NEURL1B: variants seen among roughly 807,000 people sequenced by gnomAD.
The protein encoded by NEURL1B is neuralized E3 ubiquitin protein ligase 1B.
Under a neutral mutation model 37.4 loss-of-function variants are expected in NEURL1B, and 13 were observed. The observed-to-expected ratio is 0.35, with a 90% confidence interval of 0.23 to 0.55. The LOEUF (loss-of-function observed/expected upper bound fraction) is 0.55. Among genes scored for constraint, NEURL1B ranks in the 20% least tolerant of loss-of-function variants. The pLI is 0.89. For missense variants in NEURL1B, 790 were observed against 879.2 expected, an observed-to-expected ratio of 0.90 and a Z score of 1.28; for synonymous variants, 432 against 426.6, an observed-to-expected ratio of 1.01 and a Z score of -0.16.
In NEURL1B at chr5:172,686,405, C is replaced by A; in HGVS notation, c.1423+109C>A. On this transcript the variant is annotated intron_variant, in intron 4 of 4. Transcript: ENST00000369800. This position sits in a 1 kb window ranked among gnomAD's most constrained non-coding sequence, Gnocchi z 7.9. ...GAGCAGGGTGGCCGCCTTTCCCCCG[C>A]ATCCTCTCCTTCCCTCAGCTGTATG... 1 of 1,177,454 alleles carries A rather than the reference C, an allele frequency of 8.5e-7. No homozygotes were observed. The highest frequency in any genetic ancestry group is 1.2e-6 in the Non-Finnish European group (1 of 832,530). The allele number at this position is 1,177,454 out of a possible 1,614,324, so 72.9% of individuals were successfully genotyped here.
In NEURL1B at chr5:172,683,597, C is replaced by A; in HGVS notation, c.756C>A (p.Ala252=). The A allele has an allele frequency of 7.8e-7, 1 of 1,276,732 alleles. No homozygotes were observed. The highest frequency in any genetic ancestry group is 9.9e-7 in the Non-Finnish European group (1 of 1,012,040). 79.1% of individuals were successfully genotyped at this position (1,276,732 alleles called of 1,614,324 possible). ...GCCGCGCCCCGGGCCCACCGCCAGC[C>A]GACGCCGCGGCCGCCGCCATTCCGT... The part of the protein sequence containing the change: ...ALGRAPGPPP[A]DAAAAAIPCG... Residue 252 remains alanine, a synonymous_variant, in exon 3 of 5, where the codon GCC becomes GCA. Coordinates refer to ENST00000369800, the MANE Select transcript of NEURL1B (RefSeq NM_001142651.3). The surrounding 1 kb of genome is among the most constrained non-coding windows in gnomAD (Gnocchi z 5.6).
In NEURL1B at chr5:172,670,159, A is replaced by G. The variant is rs770441485; in HGVS notation, c.406A>G (p.Asn136Asp). The G allele has an allele frequency of 6.0e-6, 9 of 1,497,864 alleles. No homozygotes were observed. In the African/African-American group the frequency reaches 1.3e-4, roughly 21 times the overall value. The allele number at this position is 1,497,864 out of a possible 1,614,324, so 92.8% of individuals were successfully genotyped here. Residue 136 changes from asparagine (N) to aspartate (D), a missense_variant, in exon 2 of 5, where the codon AAC (asparagine) becomes GAC (aspartate). By Grantham distance (23) the Asn-to-Asp change is conservative. Around this residue, in one of 3 missense-constraint regions of NEURL1B, gnomAD observed 215 missense variants for 309.2 expected, o/e 0.70. Transcript: ENST00000369800. The stretch of plus-strand genomic sequence containing the variant: ...CTACTGGGCCAAGGCACTGCCCGAG[A>G]ACCTGGCGCTGCGCGACACGGTGCT... ...PGYWAKALPE[N>D]LALRDTVLAY...
At chr5:172,653,237 C>G (rs1261787637) in intron 1 of NEURL1B, among the ~76,000 whole-genome samples, 1 of 152,120 alleles carries the variant, frequency 6.6e-6, no homozygotes, top group Non-Finnish European at 1.5e-5. Flanking sequence ...CTTTATAGTG[C>G]TTGGTGCCTT....
rs1001262141 is a variant in NEURL1B, at chr5:172,647,826, T to C, written c.31+6389T>C. 5.3e-5 allele frequency among the ~76,000 whole-genome samples: 8 copies of C among 151,836 alleles called. No individual in the cohort carries two copies. Among genetic ancestry groups the C allele is most frequent in the Non-Finnish European group, 1.0e-4 (7 of 67,970 alleles). ...GCTTGAGTTCTGTGCTCCTTCTTCC[T>C]GCCCAACTAGGACTCAGGCTCCTGA... On this transcript the variant is annotated intron_variant, in intron 1 of 4. Transcript: ENST00000369800. This position sits in a 1 kb window ranked among gnomAD's most constrained non-coding sequence, Gnocchi z 4.2.
intron 2 of NEURL1B, among the ~76,000 whole-genome samples, chr5:172,670,573 C>T (rs1758109231): frequency 6.6e-6 from 1 of 152,270 alleles, no homozygotes; most frequent in Non-Finnish European, 1.5e-5. Flanking sequence ...TTGGAACCCA[C>T]ATGGTTTGAA....
rs893837547 is a variant in NEURL1B at position 172,689,667 on chromosome 5, C to T, written c.*2742C>T. On this transcript the variant is annotated 3_prime_UTR_variant, in exon 5 of 5. Coordinates refer to ENST00000369800, the MANE Select transcript of NEURL1B (RefSeq NM_001142651.3). ...AGATGGCAGGGCTGGGATTCAAACC[C>T]GGGAGTGTCTGCTGCCACATCCCAC... 5 of 152,198 alleles carry T rather than the reference C, an allele frequency of 3.3e-5. No individual in the cohort carries two copies. The highest frequency in any genetic ancestry group is 7.2e-5 in the African/African-American group (3 of 41,442). 9.4% of individuals were successfully genotyped at this position (152,198 alleles called of 1,614,324 possible).
At chr5:172,664,941 A>T (rs1297293076) in intron 1 of NEURL1B, among the ~76,000 whole-genome samples, 1 of 152,226 alleles carries the variant, frequency 6.6e-6, no homozygotes, top group East Asian at 1.9e-4. Flanking sequence ...TTTTATCCTA[A>T]CATATAGTTG....
In NEURL1B at chr5:172,647,721, C is replaced by G. The variant is rs891703942; in HGVS notation, c.31+6284C>G. The stretch of plus-strand genomic sequence containing the variant: ...AGAGAAGCCCCCTGCCCCCGCCCAC[C>G]TCACCCCAGGCCTGTAGACTCTGGA... On this transcript the variant is annotated intron_variant, in intron 1 of 4. Coordinates refer to ENST00000369800, the MANE Select transcript of NEURL1B (RefSeq NM_001142651.3). The surrounding 1 kb of genome is among the most constrained non-coding windows in gnomAD (Gnocchi z 4.2). Among the ~76,000 whole-genome samples the G allele has an allele frequency of 4.6e-5, 7 of 152,100 alleles. No individual in the cohort carries two copies. Among genetic ancestry groups the G allele is most frequent in the Admixed American group, 3.3e-4 (5 of 15,274 alleles).
Position 172,689,182 on chromosome 5 carries a change from G to A in NEURL1B, c.*2257G>A, listed in dbSNP as rs1758577877. 1 of 152,234 alleles carries A rather than the reference G, an allele frequency of 6.6e-6. No homozygotes were observed. The highest frequency in any genetic ancestry group is 2.4e-5 in the African/African-American group (1 of 41,458). The allele number at this position is 152,234 out of a possible 1,614,324, so 9.4% of individuals were successfully genotyped here. ...CCTCCCTGTTTCCAAGAGGAGGTAA[G>A]GAAGTGTTTATCTTCTAAAAACCAG... On this transcript the variant is annotated 3_prime_UTR_variant, in exon 5 of 5. Coordinates refer to ENST00000369800, the MANE Select transcript of NEURL1B (RefSeq NM_001142651.3).
At chr5:172,671,236 G>A (rs1415071298) in intron 2 of NEURL1B, among the ~76,000 whole-genome samples, 1 of 152,142 alleles carries the variant, frequency 6.6e-6, no homozygotes, top group Non-Finnish European at 1.5e-5. Flanking sequence ...TCTGCTTTCT[G>A]TTTGAGACCT....
rs1758498319 is a variant in NEURL1B at position 172,686,435 on chromosome 5, G to C, written c.1423+139G>C. On this transcript the variant is annotated intron_variant, in intron 4 of 4. Transcript: ENST00000369800. This position sits in a 1 kb window ranked among gnomAD's most constrained non-coding sequence, Gnocchi z 7.9. ...TCTCCTTCCCTCAGCTGTATGCTCA[G>C]CTGGAGGGAGGAGAAGTGTCTAGAT... is the stretch of plus-strand genomic sequence containing the variant. The C allele has an allele frequency of 8.1e-6, 8 of 991,386 alleles. No individual in the cohort carries two copies. The highest frequency in any genetic ancestry group is 1.0e-5 in the Non-Finnish European group (7 of 676,754). 61.4% of individuals were successfully genotyped at this position (991,386 alleles called of 1,614,324 possible).
Position 172,683,335 on chromosome 5 carries a change from C to A in NEURL1B, c.578-84C>A. The A allele has an allele frequency of 8.0e-7, 1 of 1,252,982 alleles. No individual in the cohort carries two copies. The highest frequency in any genetic ancestry group is 1.0e-6 in the Non-Finnish European group (1 of 995,554). 77.6% of individuals were successfully genotyped at this position (1,252,982 alleles called of 1,614,324 possible). A position where few individuals can be genotyped will look rare whatever the true frequency, so the allele number is the denominator to read the frequency against. On this transcript the variant is annotated intron_variant, in intron 2 of 4. Coordinates refer to ENST00000369800, the MANE Select transcript of NEURL1B (RefSeq NM_001142651.3). The surrounding 1 kb of genome is among the most constrained non-coding windows in gnomAD (Gnocchi z 5.6). Reference sequence around the variant, plus strand: ...GGCCCGGGTCGGTCGTGGAGGCCTGCAGGAGGCAGCGGGCGAGGAGGGGCT... The same window carrying A: ...GGCCCGGGTCGGTCGTGGAGGCCTGAAGGAGGCAGCGGGCGAGGAGGGGCT...
chr5:172,662,525 T>A (rs1757921426), intron 1 of NEURL1B, among the ~76,000 whole-genome samples: 1 of 152,122 alleles, frequency 6.6e-6, no homozygotes, highest in Admixed American at 6.6e-5. Context: ...TCTGCCGGGA[T>A]TTTTCTATGC....
In NEURL1B at chr5:172,683,687, C is replaced by T. The variant is rs1211710968; in HGVS notation, c.846C>T (p.Phe282=). The T allele has an allele frequency of 1.5e-6, 2 of 1,345,398 alleles. No individual in the cohort carries two copies. The highest frequency in any genetic ancestry group is 1.9e-6 in the Non-Finnish European group (2 of 1,040,400). 83.3% of individuals were successfully genotyped at this position (1,345,398 alleles called of 1,614,324 possible). The change falls in exon 3 of 5, where the codon TTC becomes TTT. Residue 282 remains phenylalanine (F), a synonymous_variant. Coordinates refer to ENST00000369800, the MANE Select transcript of NEURL1B (RefSeq NM_001142651.3). This position sits in a 1 kb window ranked among gnomAD's most constrained non-coding sequence, Gnocchi z 5.6. ...SPALLEADLR[F]HATRGPDVSL... ...CGCTACTGGAGGCCGACCTGCGCTT[C>T]CACGCAACACGCGGGCCCGACGTGA...
intron 1 of NEURL1B, among the ~76,000 whole-genome samples, chr5:172,658,147 G>T (rs1462827759): frequency 6.6e-6 from 1 of 151,684 alleles, no homozygotes; most frequent in Non-Finnish European, 1.5e-5. Flanking sequence ...CCACTTACCG[G>T]TCTCCACGTC....
Position 172,686,955 on chromosome 5 carries a change from C to G in NEURL1B, c.*30C>G, listed in dbSNP as rs1208317024. ...GCCTGCCCACGGGCCTTGGCCGGTG[C>G]AAGGTCACCTTTCTGAAGGCCCCCT... is the stretch of plus-strand genomic sequence containing the variant. On this transcript the variant is annotated 3_prime_UTR_variant, in exon 5 of 5. Transcript: ENST00000369800. The surrounding 1 kb of genome is among the most constrained non-coding windows in gnomAD (Gnocchi z 7.9). The G allele has an allele frequency of 5.9e-6, 9 of 1,528,018 alleles. No homozygotes were observed. The highest frequency in any genetic ancestry group is 8.0e-6 in the Non-Finnish European group (9 of 1,129,416). The allele number at this position is 1,528,018 out of a possible 1,614,324, so 94.7% of individuals were successfully genotyped here.
At position 172,679,753 on chromosome 5, in the gene NEURL1B, T is replaced by A. The variant is rs1758309496; in HGVS notation, c.578-3666T>A. Among the ~76,000 whole-genome samples the A allele has an allele frequency of 2.0e-5, 3 of 152,252 alleles. No individual in the cohort carries two copies. In the South Asian group the frequency reaches 6.2e-4, roughly 31 times the overall value. On this transcript the variant is annotated intron_variant, in intron 2 of 4. Coordinates refer to ENST00000369800, the MANE Select transcript of NEURL1B (RefSeq NM_001142651.3). Reference sequence around the variant, plus strand: ...CTTCCAGCACCTCAGTGCCTTCACATGTGCTGTTCTCTGTGCCTGGAGAAC... The same window carrying A: ...CTTCCAGCACCTCAGTGCCTTCACAAGTGCTGTTCTCTGTGCCTGGAGAAC...
At chr5:172,646,564 T>C (rs1267231109) in intron 1 of NEURL1B, among the ~76,000 whole-genome samples, 1 of 152,170 alleles carries the variant, frequency 6.6e-6, no homozygotes. Flanking sequence ...ACACCTGATT[T>C]CTGCTAAGAA....
intron 2 of NEURL1B, among the ~76,000 whole-genome samples, chr5:172,682,130 A>C (rs550920204): frequency 1.2e-4 from 19 of 152,386 alleles, no homozygotes; most frequent in Non-Finnish European, 2.4e-4. Flanking sequence ...AGGGAGGCAG[A>C]AAATAAACAG....
Sources: gnomAD v4.1 joint callset for allele counts (sites outside exome capture counted in the v4.1 genomes callset) on GRCh38, gnomAD v4.1.1 for gene constraint, gnomAD v4.1.1 regional missense constraint, Gnocchi (gnomAD v3.1) non-coding constraint, MANE v1.5 for transcripts, NCBI Gene and HGNC (gene_info 2026-07-23, HGNC 2026-07-21) for gene names.